Variants in NAT1 observed in about 807,000 individuals in gnomAD.
The protein encoded by NAT1 is arylamine N-acetyltransferase 1.
For synonymous variants in NAT1, 144 were observed against 122.6 expected (o/e 1.17, Z -1.16); for missense variants, 400 against 339.2 (o/e 1.18, Z -1.41).
chr8:18,208,976 C>A (rs1253393275), upstream of NAT1, among the ~76,000 whole-genome samples: 1 of 149,078 alleles, frequency 6.7e-6, no homozygotes, highest in South Asian at 2.1e-4. Context: ...GGAGTTGTCG[C>A]GGGACAGTGA....
At chr8:18,214,014 C>G (rs28359499) in intron 1 of NAT1, among the ~76,000 whole-genome samples, 1 of 152,024 alleles carries the variant, frequency 6.6e-6, no homozygotes, top group African/African-American at 2.4e-5. Context: ...AGGGTTTCAC[C>G]GTGTTAGCCA....
At chr8:18,172,083 A>G (rs1802117650) in intron 2 of NAT1, among the ~76,000 whole-genome samples, 1 of 152,188 alleles carries the variant, frequency 6.6e-6, no homozygotes, top group Non-Finnish European at 1.5e-5. Context: ...TACTACCTCT[A>G]AGGACAACAG....
chr8:18,205,323 C>G (rs1419570158), upstream of NAT1, among the ~76,000 whole-genome samples: 1 of 152,112 alleles, frequency 6.6e-6, no homozygotes, highest in African/African-American at 2.4e-5. Flanking sequence ...CAATTGTGTG[C>G]ATGGTCATAC....
At chr8:18,189,358 T>C (rs1589068250) in intron 2 of NAT1, among the ~76,000 whole-genome samples, 1 of 152,114 alleles carries the variant, frequency 6.6e-6, no homozygotes, top group African/African-American at 2.4e-5. Flanking sequence ...TCCTGCAAGG[T>C]AGCAGGTATC....
intron 2 of NAT1, among the ~76,000 whole-genome samples, chr8:18,173,028 G>A (rs1374497547): frequency 6.6e-6 from 1 of 151,964 alleles, no homozygotes; most frequent in East Asian, 1.9e-4. Flanking sequence ...CTCTCTTCAG[G>A]GGCGAGTCTT....
At chr8:18,179,996 G>A (rs754570638) in intron 2 of NAT1, among the ~76,000 whole-genome samples, 11 of 152,124 alleles carry the variant, frequency 7.2e-5, no homozygotes, top group Non-Finnish European at 1.2e-4. Context: ...AGGCAGAGCC[G>A]GGGCATAGTA....
At chr8:18,202,791 G>A (rs971017847) in intron 2 of NAT1, among the ~76,000 whole-genome samples, 1 of 152,124 alleles carries the variant, frequency 6.6e-6, no homozygotes, top group Admixed American at 6.5e-5. Context: ...AAGATTTATT[G>A]TGAAGAGTGA....
chr8:18,195,169 G>A (rs1179461380), intron 2 of NAT1, among the ~76,000 whole-genome samples: 1 of 152,204 alleles, frequency 6.6e-6, no homozygotes, highest in African/African-American at 2.4e-5. Context: ...ACAACACATG[G>A]CTTCAAATCA....
chr8:18,179,792 T>G (rs1375601313), intron 2 of NAT1, among the ~76,000 whole-genome samples: 2 of 152,180 alleles, frequency 1.3e-5, no homozygotes, highest in Non-Finnish European at 2.9e-5. Flanking sequence ...AATATTTATT[T>G]TGCACTCATA....
chr8:18,217,054 G>T, intron 1 of NAT1: 1 of 1,118,402 alleles, frequency 8.9e-7, no homozygotes, highest in East Asian at 2.6e-5. Flanking sequence ...AAGGCAACTT[G>T]TAGATTGGGT....
chr8:18,205,789 G>C (rs1194446258), upstream of NAT1, among the ~76,000 whole-genome samples: 1 of 152,196 alleles, frequency 6.6e-6, no homozygotes, highest in Non-Finnish European at 1.5e-5. Context: ...CGCAGGTTAG[G>C]TATAGTGTGC....
In NAT1 at chr8:18,223,579, C is replaced by T. The variant is rs979330689; in HGVS notation, c.*659C>T. ...ATGCTTTTACAGTTTAGTGGCGGAA[C>T]TAAACTCCCAAAATTATTTGTTATA... On this transcript the variant is annotated 3_prime_UTR_variant, in exon 3 of 3. Coordinates refer to ENST00000307719, the MANE Select transcript of NAT1 (RefSeq NM_000662.8). The T allele has an allele frequency of 1.2e-5, 2 of 166,898 alleles. No individual in the cohort carries two copies. The highest frequency in any genetic ancestry group is 2.1e-4 in the South Asian group (1 of 4,820). 10.3% of individuals were successfully genotyped at this position (166,898 alleles called of 1,614,324 possible). A position where few individuals can be genotyped will look rare whatever the true frequency, so the allele number is the denominator to read the frequency against.
chr8:18,171,228 G>A (rs1589042745), intron 2 of NAT1, among the ~76,000 whole-genome samples: 1 of 152,154 alleles, frequency 6.6e-6, no homozygotes, highest in South Asian at 2.1e-4. Flanking sequence ...TAAAATTAAA[G>A]TGGCCACAGT....
intron 2 of NAT1, among the ~76,000 whole-genome samples, chr8:18,198,004 C>T (rs1803306428): frequency 6.6e-6 from 1 of 151,178 alleles, no homozygotes; most frequent in Admixed American, 6.6e-5. Flanking sequence ...AAAGAATATA[C>T]TTACTAAAAT....
upstream of NAT1, among the ~76,000 whole-genome samples, chr8:18,207,548 A>G (rs1242524892): frequency 1.3e-5 from 2 of 152,198 alleles, no homozygotes; most frequent in African/African-American, 4.8e-5. Context: ...GAGAAATGCA[A>G]GTCAAAACCA....
At chr8:18,198,249 T>C (rs903787285) in intron 2 of NAT1, among the ~76,000 whole-genome samples, 2 of 152,168 alleles carry the variant, frequency 1.3e-5, no homozygotes, top group African/African-American at 4.8e-5. Flanking sequence ...TGCCCTCTAC[T>C]GAAAGCATAA....
upstream of NAT1, among the ~76,000 whole-genome samples, chr8:18,205,967 G>C (rs960984299): frequency 6.6e-6 from 1 of 152,166 alleles, no homozygotes; most frequent in Non-Finnish European, 1.5e-5. Flanking sequence ...AAGGGCTAAA[G>C]GCTCCTATGG....
intron 2 of NAT1, among the ~76,000 whole-genome samples, chr8:18,184,852 T>A (rs1290257728): frequency 6.6e-6 from 1 of 152,182 alleles, no homozygotes; most frequent in Admixed American, 6.6e-5. Flanking sequence ...TTTCACCAGT[T>A]TTTGCGTGCA....
intron 2 of NAT1, among the ~76,000 whole-genome samples, chr8:18,203,200 A>C (rs1436676613): frequency 6.6e-6 from 1 of 152,222 alleles, no homozygotes; most frequent in Non-Finnish European, 1.5e-5. Context: ...CACTACCCAA[A>C]TATATGAAAG....
Sources: allele counts gnomAD v4.1 joint callset (sites outside exome capture counted in the v4.1 genomes callset), GRCh38; gene constraint gnomAD v4.1.1; transcripts MANE v1.5; gene names NCBI Gene and HGNC (gene_info 2026-07-23, HGNC 2026-07-21).